The following BEAN1 variants were observed in gnomAD, a reference collection of about 807,000 sequenced individuals.
The protein encoded by BEAN1 is protein BEAN1.
BEAN1 carries 17 observed loss-of-function variants against 17.7 expected under a neutral mutation model. That is an observed-to-expected ratio of 0.96 (90% CI 0.66 to 1.44). The LOEUF (loss-of-function observed/expected upper bound fraction) is 1.44. BEAN1 is among the 40% of genes most tolerant of loss of function. The pLI, the probability that BEAN1 is intolerant of heterozygous loss-of-function variation, is 0.00. For missense variants in BEAN1, 359 were observed against 374.1 expected (o/e 0.96, Z 0.33); for synonymous variants, 142 against 151.8 (o/e 0.94, Z 0.47).
At chr16:66,455,649 G>T (rs767450930) in intron 2 of BEAN1, among the ~76,000 whole-genome samples, 29 of 151,850 alleles carry the variant, frequency 1.9e-4, no homozygotes, top group Middle Eastern at 3.5e-3. Context: ...GAGAGGTATA[G>T]TGGACAATAC....
In BEAN1 at chr16:66,482,556, T is replaced by A. The variant is rs1295817312; in HGVS notation, c.*1631T>A. 3.3e-6 allele frequency: 1 copy of A among 301,278 alleles called. No homozygotes were observed. The highest frequency in any genetic ancestry group is 4.9e-5 in the Admixed American group (1 of 20,284). 18.7% of individuals were successfully genotyped at this position (301,278 alleles called of 1,614,324 possible). On this transcript the variant is annotated 3_prime_UTR_variant, in exon 5 of 5. Coordinates refer to ENST00000536005, the MANE Select transcript of BEAN1 (RefSeq NM_001178020.3). Reference sequence around the variant, plus strand: ...TGACCACCTTAGTGGTGTACTGTTTTCTAGGCAAAAAATATCTGTCTGTTG... The same window carrying A: ...TGACCACCTTAGTGGTGTACTGTTTACTAGGCAAAAAATATCTGTCTGTTG...
chr16:66,453,091 C>G (rs1387422501), intron 2 of BEAN1, among the ~76,000 whole-genome samples: 1 of 152,010 alleles, frequency 6.6e-6, no homozygotes, highest in Non-Finnish European at 1.5e-5. Flanking sequence ...TTCTGTGTTG[C>G]TTTTCTGTTT....
intron 3 of BEAN1, among the ~76,000 whole-genome samples, chr16:66,470,296 A>G (rs1362849581): frequency 6.6e-6 from 1 of 151,754 alleles, no homozygotes; most frequent in South Asian, 2.1e-4. Flanking sequence ...AGGAAAATGG[A>G]TGGGTGAGGA....
intron 2 of BEAN1, 155 bp downstream of exon 2, chr16:66,437,856 C>T (rs1052242282): frequency 4.4e-5 from 43 of 969,122 alleles, no homozygotes; most frequent in Middle Eastern, 4.1e-4. Context: ...GAGGGCAACA[C>T]GGAAGACCCC....
chr16:66,467,730 C>T (rs1350608955), intron 2 of BEAN1, among the ~76,000 whole-genome samples: 4 of 152,208 alleles, frequency 2.6e-5, no homozygotes, highest in African/African-American at 4.8e-5. Flanking sequence ...CACTCCAGTG[C>T]GTGCCTCTCC....
At chr16:66,472,948 G>A (rs374616134) in intron 3 of BEAN1, among the ~76,000 whole-genome samples, 1 of 152,158 alleles carries the variant, frequency 6.6e-6, no homozygotes, top group East Asian at 1.9e-4. Context: ...CTTGAGCCCA[G>A]GTCAAGGCTT....
At chr16:66,479,604 C>G (rs1597048916) in intron 4 of BEAN1, among the ~76,000 whole-genome samples, 1 of 152,154 alleles carries the variant, frequency 6.6e-6, no homozygotes, top group Non-Finnish European at 1.5e-5. Flanking sequence ...CTTCCGAGAC[C>G]TCCCAGGCAA....
At chr16:66,440,959 T>TG in intron 2 of BEAN1, among the ~76,000 whole-genome samples, 1 of 152,176 alleles carries the variant, frequency 6.6e-6, no homozygotes, top group East Asian at 1.9e-4. Flanking sequence ...AGGAGACCCT[T>TG]GGGGTTCTGA....
chr16:66,489,785 C>G (rs1297567808), intron 4 of BEAN1, among the ~76,000 whole-genome samples: 10 of 152,066 alleles, frequency 6.6e-5, no homozygotes, highest in Admixed American at 6.6e-4. Context: ...CTGGAGGGGG[C>G]TACATACAGA....
chr16:66,467,899 T>C (rs1017421671), intron 2 of BEAN1, among the ~76,000 whole-genome samples: 20 of 152,232 alleles, frequency 1.3e-4, no homozygotes, highest in Non-Finnish European at 1.9e-4. Flanking sequence ...CAAGGGCATG[T>C]TTCTAGCCCC....
At chr16:66,492,490 A>C (rs1052629422) in intron 4 of BEAN1, among the ~76,000 whole-genome samples, 1 of 151,866 alleles carries the variant, frequency 6.6e-6, no homozygotes, top group African/African-American at 2.4e-5. Context: ...CCCAGGCTGG[A>C]GAGCAGTGGT....
In BEAN1 at chr16:66,437,698, C is replaced by A; in HGVS notation, c.22C>A (p.Pro8Thr). Residue 8 changes from proline to threonine, a missense_variant, in exon 2 of 5, where the codon CCC becomes ACC. Coordinates refer to ENST00000536005, the MANE Select transcript of BEAN1 (RefSeq NM_001178020.3). ...TTACATGTCCTTCAAACGTCCCTGC[C>A]CCTGTAAGTTTCCTCCCCACATCCT... MSFKRPC[P>T]LARYNRTSYF... The A allele has an allele frequency of 1.3e-6, 2 of 1,535,852 alleles. No homozygotes were observed. The highest frequency in any genetic ancestry group is 1.7e-6 in the Non-Finnish European group (2 of 1,146,696).
intron 2 of BEAN1, among the ~76,000 whole-genome samples, chr16:66,452,657 T>C (rs889176029): frequency 3.9e-5 from 6 of 152,176 alleles, no homozygotes; most frequent in African/African-American, 1.4e-4. Flanking sequence ...TGAGTGTTTA[T>C]TGGGGAAATT....
Position 66,434,223 on chromosome 16 carries a change from AACCCCG to A in BEAN1, c.-82-3360_-82-3355del, listed in dbSNP as rs1413528742. Among the ~76,000 whole-genome samples, 4 of 13,948 alleles carry A rather than the reference AACCCCG, an allele frequency of 2.9e-4. No homozygotes were observed. The highest frequency in any genetic ancestry group is 4.0e-4 in the African/African-American group (2 of 4,988). The allele number at this position is 13,948 out of a possible 152,430, so 9.2% of individuals were successfully genotyped here. A position where few individuals can be genotyped will look rare whatever the true frequency, so the allele number is the denominator to read the frequency against. Reference sequence around the variant, plus strand: ...TGGGCCTGCCCCCGACCCCGACCCCAACCCCGACCCCGACCCCTGGCAAAGGAACCA... The same window carrying A: ...TGGGCCTGCCCCCGACCCCGACCCCAACCCCGACCCCTGGCAAAGGAACCA... On this transcript the variant is annotated intron_variant, in intron 1 of 4. Transcript: ENST00000536005. This position sits in a 1 kb window ranked among gnomAD's most constrained non-coding sequence, Gnocchi z 4.3.
In BEAN1 at chr16:66,480,665, T is replaced by G. The variant is rs763848920; in HGVS notation, c.520T>G (p.Ser174Ala). 1.3e-6 allele frequency: 2 copies of G among 1,551,536 alleles called. No homozygotes were observed. Among genetic ancestry groups the G allele is most frequent in the Non-Finnish European group, 1.7e-6 (2 of 1,146,948 alleles). The change falls in exon 5 of 5, where the codon TCC (serine) becomes GCC (alanine). Residue 174 changes from serine to alanine, a missense_variant. By Grantham distance (99) the Ser-to-Ala change is moderately conservative. Coordinates refer to ENST00000536005, the MANE Select transcript of BEAN1 (RefSeq NM_001178020.3). ...DAPPPYSLTD[S>A]CPTLDGTSDS... The stretch of plus-strand genomic sequence containing the variant: ...ACCACCACCCTACTCGCTGACTGAT[T>G]CCTGCCCCACGCTGGATGGCACCTC...
At chr16:66,452,137 G>A (rs1157312719) in intron 2 of BEAN1, among the ~76,000 whole-genome samples, 1 of 152,176 alleles carries the variant, frequency 6.6e-6, no homozygotes, top group South Asian at 2.1e-4. Flanking sequence ...GTGTGATGTT[G>A]GCAGTCAGTT....
intron 2 of BEAN1, chr16:66,437,963 G>T: frequency 1.7e-6 from 1 of 586,206 alleles, no homozygotes; most frequent in Non-Finnish European, 3.1e-6. Context: ...GTTCCTCTGA[G>T]GGATGTTAAT....
intron 2 of BEAN1, among the ~76,000 whole-genome samples, chr16:66,444,151 G>A (rs1043144971): frequency 1.1e-4 from 16 of 152,186 alleles, no homozygotes; most frequent in African/African-American, 3.6e-4. Context: ...ACTGTCCCTG[G>A]TGGCAGCCCT....
At chr16:66,449,785 C>G (rs1431649359) in intron 2 of BEAN1, among the ~76,000 whole-genome samples, 1 of 152,158 alleles carries the variant, frequency 6.6e-6, no homozygotes, top group African/African-American at 2.4e-5. Context: ...CACCAACACA[C>G]TCTAAACAGT....
Sources: allele counts gnomAD v4.1 joint callset (sites outside exome capture counted in the v4.1 genomes callset), GRCh38; gene constraint gnomAD v4.1.1; non-coding constraint Gnocchi (gnomAD v3.1); transcripts MANE v1.5; gene names NCBI Gene and HGNC (gene_info 2026-07-23, HGNC 2026-07-21).